The following STXBP5L variants were observed in gnomAD, a reference collection of about 807,000 sequenced individuals.
STXBP5L encodes the protein syntaxin-binding protein 5-like.
A neutral mutation model predicts 144.5 loss-of-function variants in STXBP5L; 65 were observed. The observed-to-expected ratio is 0.45, with a 90% CI of 0.37 to 0.55. The LOEUF (loss-of-function observed/expected upper bound fraction) is 0.55. Among genes scored for constraint, STXBP5L ranks in the 20% least tolerant of loss-of-function variants. The pLI is 0.00. For missense variants in STXBP5L, 1,298 were observed against 1,405.5 expected, an observed-to-expected ratio of 0.92 and a Z score of 1.22; for synonymous variants, 505 against 469.6, an observed-to-expected ratio of 1.08 and a Z score of -0.97.
chr3:121,180,927 AAAGAGAAAAG>A (rs1285624344), intron 9 of STXBP5L, among the ~76,000 whole-genome samples: 14 of 151,586 alleles, frequency 9.2e-5, no homozygotes, highest in African/African-American at 3.4e-4. Flanking sequence ...AAAGAAAGAG[AAAGAGAAAAG>A]AAGAGAAGAG....
At position 121,381,501 on chromosome 3, in the gene STXBP5L, G is replaced by T. The variant is rs780695803; in HGVS notation, c.2556G>T (p.Arg852Ser). The T allele has an allele frequency of 9.4e-6, 15 of 1,594,270 alleles. No homozygotes were observed. Among genetic ancestry groups the T allele is most frequent in the South Asian group, 1.2e-5 (1 of 86,668 alleles). The change falls in exon 22 of 27, where the codon AGG becomes AGT. Residue 852 changes from arginine (R) to serine (S), a missense_variant. By Grantham distance (110) the Arg-to-Ser change is moderately radical (BLOSUM62 -1). Transcript: ENST00000471454. Reference protein sequence around the residue: ...SLNLPLADEQRFTEPVMVLPS... With the variant: ...SLNLPLADEQSFTEPVMVLPS... ...ACCTACCATTAGCAGATGAACAAAGGTTTACAGAGCCAGTCATGGTATTGC... is the reference window on the plus strand; with the variant it reads ...ACCTACCATTAGCAGATGAACAAAGTTTTACAGAGCCAGTCATGGTATTGC...
chr3:120,940,757 G>A (rs1023120262), intron 2 of STXBP5L, among the ~76,000 whole-genome samples: 1 of 151,626 alleles, frequency 6.6e-6, no homozygotes, highest in African/African-American at 2.4e-5. Flanking sequence ...TCCTTTAGGG[G>A]TTATGCCCAT....
At chr3:121,184,524 G>T (rs540205110) in intron 9 of STXBP5L, among the ~76,000 whole-genome samples, 2 of 151,816 alleles carry the variant, frequency 1.3e-5, no homozygotes, top group African/African-American at 2.4e-5. Flanking sequence ...AAAGCAGAAT[G>T]AAAAGAAATG....
chr3:120,962,126 T>A (rs533397146), intron 3 of STXBP5L, among the ~76,000 whole-genome samples: 1 of 149,412 alleles, frequency 6.7e-6, no homozygotes, highest in South Asian at 2.1e-4. Flanking sequence ...GGGTTGTTTG[T>A]TTTTTTCTGG....
intron 18 of STXBP5L, among the ~76,000 whole-genome samples, chr3:121,263,201 A>C (rs1249251251): frequency 6.6e-6 from 1 of 152,214 alleles, no homozygotes; most frequent in Non-Finnish European, 1.5e-5. Flanking sequence ...CCACCCAGCA[A>C]ACTCCAGCAG....
intron 3 of STXBP5L, among the ~76,000 whole-genome samples, chr3:121,010,315 A>G (rs1283569697): frequency 2.6e-5 from 4 of 151,834 alleles, no homozygotes; most frequent in African/African-American, 9.7e-5. Flanking sequence ...TTCAAGAGGA[A>G]TTGGTCTCCC....
At chr3:121,348,239 G>C (rs1576243272) in intron 20 of STXBP5L, among the ~76,000 whole-genome samples, 3 of 152,230 alleles carry the variant, frequency 2.0e-5, no homozygotes, top group African/African-American at 7.2e-5. Context: ...CGTTGGTTCT[G>C]TTTATATGCT....
At chr3:121,056,896 GTTAAACAAATTAGCAAGACCT>G (rs755923554) in intron 5 of STXBP5L, among the ~76,000 whole-genome samples, 5 of 150,398 alleles carry the variant, frequency 3.3e-5, no homozygotes, top group Admixed American at 6.6e-5. Flanking sequence ...ATATTTTTTT[GTTAAACAAATTAGCAAGACCT>G]TTAAACAAAT....
intron 5 of STXBP5L, among the ~76,000 whole-genome samples, chr3:121,048,943 C>T (rs1349577996): frequency 6.6e-6 from 1 of 152,088 alleles, no homozygotes; most frequent in Non-Finnish European, 1.5e-5. Context: ...TTGTATCGGT[C>T]CCCAACCACT....
chr3:121,157,923 T>C (rs984705623), intron 9 of STXBP5L: 3 of 252,108 alleles, frequency 1.2e-5, no homozygotes, highest in Non-Finnish European at 2.2e-5. Context: ...ATATAGGAAA[T>C]TTTGTCACTT....
chr3:120,932,126 C>G (rs78481220), intron 2 of STXBP5L, among the ~76,000 whole-genome samples: 6,057 of 152,146 alleles, frequency 0.04, 170 homozygotes, highest in Middle Eastern at 0.082. Flanking sequence ...CTAAGTATAT[C>G]TCAACATAGA....
intron 20 of STXBP5L, among the ~76,000 whole-genome samples, chr3:121,351,723 G>C (rs1331686597): frequency 1.3e-5 from 2 of 152,064 alleles, no homozygotes; most frequent in Admixed American, 6.6e-5. Context: ...TTTGGCTTTT[G>C]TTGCCATTGC....
rs866028950 is a variant in STXBP5L, at chr3:121,369,484, G to T, written c.2177-9232G>T. Among the ~76,000 whole-genome samples the T allele has an allele frequency of 1.5e-4, 23 of 151,672 alleles. No individual in the cohort carries two copies. The Middle Eastern group carries it at 0.021, about 136-fold the overall frequency. ...TAAAGATGATTATTTTGAATTCTTTGTCAGACATTTCTTAAAGGTCTCTTT... is the reference window on the plus strand; with the variant it reads ...TAAAGATGATTATTTTGAATTCTTTTTCAGACATTTCTTAAAGGTCTCTTT... On this transcript the variant is annotated intron_variant, in intron 20 of 26. Transcript: ENST00000471454.
chr3:121,031,621 G>C (rs757100980), intron 3 of STXBP5L, among the ~76,000 whole-genome samples: 3 of 152,010 alleles, frequency 2.0e-5, no homozygotes, highest in Non-Finnish European at 4.4e-5. Flanking sequence ...ATATTATGAA[G>C]GGTAACCTGC....
chr3:120,954,786 G>A (rs1937835221), intron 2 of STXBP5L, among the ~76,000 whole-genome samples, 154 bp from the exon 3 acceptor site: 1 of 151,558 alleles, frequency 6.6e-6, no homozygotes, highest in African/African-American at 2.4e-5. Flanking sequence ...CAATGTATGA[G>A]TTTAGGTTAC....
At chr3:121,286,373 C>A (rs1026780444) in intron 19 of STXBP5L, among the ~76,000 whole-genome samples, 1 of 152,066 alleles carries the variant, frequency 6.6e-6, no homozygotes, top group Admixed American at 6.5e-5. Context: ...AAACAAAAAT[C>A]AGCAAAAATT....
intron 19 of STXBP5L, among the ~76,000 whole-genome samples, chr3:121,284,795 T>G (rs1365564794): frequency 1.3e-5 from 2 of 152,110 alleles, no homozygotes; most frequent in Non-Finnish European, 2.9e-5. Context: ...TCAAGTCTGT[T>G]GAAGGACTTA....
chr3:121,070,809 C>A (rs549707629), intron 5 of STXBP5L, among the ~76,000 whole-genome samples: 2 of 152,216 alleles, frequency 1.3e-5, no homozygotes, highest in South Asian at 4.1e-4. Context: ...GCCTTTTATG[C>A]GAGTACGGGA....
At chr3:120,987,246 A>C (rs777217418) in intron 3 of STXBP5L, among the ~76,000 whole-genome samples, 33 of 152,110 alleles carry the variant, frequency 2.2e-4, no homozygotes, top group Non-Finnish European at 4.3e-4. Context: ...CCAGCAGTGT[A>C]TGAATGGTCT....
Sources: allele counts gnomAD v4.1 joint callset (sites outside exome capture counted in the v4.1 genomes callset), GRCh38; gene constraint gnomAD v4.1.1; transcripts MANE v1.5; gene names NCBI Gene and HGNC (gene_info 2026-07-23, HGNC 2026-07-21).